The following TJP1 variants were observed in gnomAD, a reference collection of about 807,000 sequenced individuals.
The protein encoded by TJP1 is tight junction protein 1.
TJP1 carries 43 observed loss-of-function variants against 194.2 expected under a neutral mutation model. That is an observed-to-expected ratio of 0.22 (90% CI 0.17 to 0.29). The LOEUF (loss-of-function observed/expected upper bound fraction) is 0.29. Among genes scored for constraint, TJP1 ranks in the 10% least tolerant of loss-of-function variants. The pLI is 1.00. For synonymous variants in TJP1, 801 were observed against 779.0 expected (o/e 1.03, Z -0.47); for missense variants, 1,971 against 2,185.7 (o/e 0.90, Z 1.96).
intron 2 of TJP1, among the ~76,000 whole-genome samples, chr15:29,885,024 G>A (rs190614984): frequency 6.6e-6 from 1 of 152,284 alleles, no homozygotes; most frequent in East Asian, 1.9e-4. Context: ...TTCAAAGGAA[G>A]TTCTTTATAC....
chr15:29,809,987 A>C (rs558431706), intron 1 of TJP1, among the ~76,000 whole-genome samples: 1 of 152,348 alleles, frequency 6.6e-6, no homozygotes, highest in South Asian at 2.1e-4. Context: ...ATTCCATTCT[A>C]TCTCTTCTCT....
intron 2 of TJP1, among the ~76,000 whole-genome samples, chr15:29,898,965 T>G (rs905867448): frequency 4.6e-5 from 7 of 152,304 alleles, no homozygotes; most frequent in African/African-American, 1.7e-4. Flanking sequence ...TTTGATTCCG[T>G]TTCAGCTAAT....
chr15:29,881,569 T>C (rs1387467608), intron 2 of TJP1, among the ~76,000 whole-genome samples: 1 of 152,210 alleles, frequency 6.6e-6, no homozygotes, highest in Non-Finnish European at 1.5e-5. Context: ...GGTTTCCTCA[T>C]TTGCTAATCT....
chr15:29,793,125 C>G (rs1282140055), intron 2 of TJP1, among the ~76,000 whole-genome samples: 1 of 152,150 alleles, frequency 6.6e-6, no homozygotes, highest in Non-Finnish European at 1.5e-5. Context: ...ATTGCTCTGG[C>G]TAGGACTTCC....
At chr15:29,732,386 G>T in intron 15 of TJP1, 47 bp downstream of exon 15, 1 of 1,498,450 alleles carries the variant, frequency 6.7e-7, no homozygotes, top group Non-Finnish European at 9.3e-7. Context: ...ACTCACTTTA[G>T]AGGTGTAACT....
At chr15:29,893,348 T>A (rs904497437) in intron 2 of TJP1, among the ~76,000 whole-genome samples, 4 of 152,172 alleles carry the variant, frequency 2.6e-5, no homozygotes, top group African/African-American at 9.7e-5. Context: ...CAAAAAAGGA[T>A]TTAGAATACT....
chr15:29,699,765 G>A (rs1242124844), downstream of TJP1: 1 of 152,554 alleles, frequency 6.6e-6, no homozygotes, highest in Non-Finnish European at 1.5e-5. Flanking sequence ...CCCAAATGTG[G>A]GTGACATTAA....
chr15:29,722,184 A>C (rs543603846), intron 18 of TJP1, among the ~76,000 whole-genome samples: 41 of 152,326 alleles, frequency 2.7e-4, no homozygotes, highest in African/African-American at 9.9e-4. Flanking sequence ...ATATTAACAG[A>C]CAAAACAATG....
At chr15:29,918,572 A>G (rs986587104) in intron 2 of TJP1, among the ~76,000 whole-genome samples, 1 of 152,032 alleles carries the variant, frequency 6.6e-6, no homozygotes, top group Non-Finnish European at 1.5e-5. Context: ...CCATCATTAC[A>G]AAAAATTACA....
intron 16 of TJP1, among the ~76,000 whole-genome samples, chr15:29,727,354 A>C (rs1023647535): frequency 6.6e-6 from 1 of 152,166 alleles, no homozygotes; most frequent in African/African-American, 2.4e-5. Context: ...AAAAACAAAA[A>C]CAAATACAAA....
intron 11 of TJP1, among the ~76,000 whole-genome samples, chr15:29,734,964 A>C (rs1423990805): frequency 2.0e-5 from 3 of 152,182 alleles, no homozygotes; most frequent in Non-Finnish European, 4.4e-5. Context: ...TAGATGAAAA[A>C]AGGTAACTTT....
intron 2 of TJP1, among the ~76,000 whole-genome samples, chr15:29,790,357 G>A (rs1293107952): frequency 6.6e-6 from 1 of 151,992 alleles, no homozygotes; most frequent in African/African-American, 2.4e-5. Flanking sequence ...AGCTCCCACT[G>A]GCAAGACTTT....
intron 27 of TJP1, among the ~76,000 whole-genome samples, chr15:29,703,173 A>C (rs186218005): frequency 5.3e-5 from 8 of 152,328 alleles, no homozygotes; most frequent in Non-Finnish European, 1.0e-4. Context: ...TAAACAGGCC[A>C]GGCACGGTGG....
chr15:29,879,765 G>A (rs954235076), intron 2 of TJP1, among the ~76,000 whole-genome samples: 9 of 152,004 alleles, frequency 5.9e-5, no homozygotes, highest in African/African-American at 1.4e-4. Context: ...AAGCTGGAGG[G>A]CAGTGGTGTG....
intron 2 of TJP1, among the ~76,000 whole-genome samples, chr15:29,918,836 TAGAGA>T (rs1473183467): frequency 6.6e-6 from 1 of 151,728 alleles, no homozygotes; most frequent in African/African-American, 2.4e-5. Flanking sequence ...TCAAACATAG[TAGAGA>T]AAAGATAATA....
In TJP1 at chr15:29,732,662, A is replaced by G; in HGVS notation, c.1890T>C (p.Phe630=). ...DLSAQPVQTK[F]PAYERVVLRE... ...GAAGAACCACTCTTTCATAAGCTGG[A>G]AACTTTGTTTGAACAGGCTGAGCGG... is the stretch of plus-strand genomic sequence containing the variant. Residue 630 remains phenylalanine, a synonymous_variant, in exon 14 of 28, where the codon TTT becomes TTC. Coordinates refer to ENST00000614355, the MANE Select transcript of TJP1 (RefSeq NM_001330239.4). 1 of 1,614,176 alleles carries G rather than the reference A, an allele frequency of 6.2e-7. No homozygotes were observed. The highest frequency in any genetic ancestry group is 8.5e-7 in the Non-Finnish European group (1 of 1,180,030).
chr15:29,827,246 G>A (rs919054580), upstream of TJP1, among the ~76,000 whole-genome samples: 1 of 152,188 alleles, frequency 6.6e-6, no homozygotes, highest in African/African-American at 2.4e-5. Flanking sequence ...GCTGTGGGTT[G>A]GAGCAATAGG....
chr15:29,870,658 G>C (rs1205220896), intron 2 of TJP1, among the ~76,000 whole-genome samples: 1 of 152,152 alleles, frequency 6.6e-6, no homozygotes, highest in Non-Finnish European at 1.5e-5. Context: ...GGAAAGGCTT[G>C]CCCTCCAGAT....
At position 29,730,608 on chromosome 15, in the gene TJP1, AGAG is replaced by A. The variant is rs556535366; in HGVS notation, c.2017+1822_2017+1824del. Reference sequence around the variant, plus strand: ...AGACTCTGTCTCTGAAAAAAAAAAAAGAGGAGCAGTGTGAAGAAGAGGCGAGAA... The same window carrying A: ...AGACTCTGTCTCTGAAAAAAAAAAAAGAGCAGTGTGAAGAAGAGGCGAGAA... On this transcript the variant is annotated intron_variant, in intron 15 of 27. Transcript: ENST00000614355. The A allele has an allele frequency of 4.0e-4, 216 of 539,460 alleles. 1 individual carries two copies. Among genetic ancestry groups the A allele is most frequent in the African/African-American group, 3.9e-3 (199 of 51,076 alleles). 33.4% of individuals were successfully genotyped at this position (539,460 alleles called of 1,614,324 possible).
Sources: allele counts gnomAD v4.1 joint callset (sites outside exome capture counted in the v4.1 genomes callset), GRCh38; gene constraint gnomAD v4.1.1; transcripts MANE v1.5; gene names NCBI Gene and HGNC (gene_info 2026-07-23, HGNC 2026-07-21).